Variants in CTNND2 observed in about 807,000 individuals in gnomAD.
CTNND2 encodes catenin delta 2.
A neutral mutation model predicts 144.4 loss-of-function variants in CTNND2; 22 were observed. The observed-to-expected ratio is 0.15, with a 90% CI of 0.11 to 0.22. CTNND2 has a LOEUF of 0.22. Ranked by LOEUF, CTNND2 falls within the 10% of genes least tolerant of loss-of-function variation. The pLI, the probability that CTNND2 is intolerant of heterozygous loss-of-function variation, is 1.00. For missense variants in CTNND2, 1,353 were observed against 1,618.8 expected, an observed-to-expected ratio of 0.84 and a Z score of 2.82; for synonymous variants, 751 against 695.6, an observed-to-expected ratio of 1.08 and a Z score of -1.25.
At chr5:11,655,605 G>A (rs185384032) in intron 2 of CTNND2, among the ~76,000 whole-genome samples, 50 of 152,190 alleles carry the variant, frequency 3.3e-4, no homozygotes, top group Non-Finnish European at 6.2e-4. Context: ...TTTTAAGGAA[G>A]AAGTCCATAC....
In CTNND2 at chr5:11,888,456, C is replaced by T. The variant is rs544816455; in HGVS notation, c.37+15361G>A. On this transcript the variant is annotated intron_variant, in intron 1 of 21. Transcript: ENST00000304623. ...AACCTTAATCCAATCAATGGTTTCC[C>T]CCATGACCTAAGAGTTGGCACATCT... 6.6e-5 allele frequency among the ~76,000 whole-genome samples: 10 copies of T among 152,232 alleles called. No individual in the cohort carries two copies. In the South Asian group the frequency reaches 1.2e-3, roughly 19 times the overall value.
chr5:11,414,901 C>T (rs1377104519), intron 3 of CTNND2, among the ~76,000 whole-genome samples: 2 of 152,212 alleles, frequency 1.3e-5, no homozygotes, highest in African/African-American at 4.8e-5. Flanking sequence ...GCCTCCAGCC[C>T]TATCCATGTT....
chr5:11,387,870 G>T (rs1759249727), intron 6 of CTNND2, among the ~76,000 whole-genome samples: 1 of 152,062 alleles, frequency 6.6e-6, no homozygotes, highest in African/African-American at 2.4e-5. Context: ...TTAAATATTA[G>T]AACATATATC....
At chr5:11,448,720 G>A (rs146895131) in intron 3 of CTNND2, among the ~76,000 whole-genome samples, 1,945 of 152,240 alleles carry the variant, frequency 0.013, 49 homozygotes, top group African/African-American at 0.045. Flanking sequence ...CCAGGGTGGA[G>A]TGCAATGGTG....
Position 11,475,382 on chromosome 5 carries a change from A to T in CTNND2, c.288-63313T>A, listed in dbSNP as rs540627843. On this transcript the variant is annotated intron_variant, in intron 3 of 21. Transcript: ENST00000304623. ...CAAACTCCCTAAAAGTGAACAATTAATGGCATAAGAGTTCAACATTTCTTG... is the reference window on the plus strand; with the variant it reads ...CAAACTCCCTAAAAGTGAACAATTATTGGCATAAGAGTTCAACATTTCTTG... 6.6e-5 allele frequency among the ~76,000 whole-genome samples: 10 copies of T among 152,338 alleles called. No individual in the cohort carries two copies. The East Asian group carries it at 1.2e-3, about 18-fold the overall frequency.
At chr5:11,158,159 C>A (rs1246967404) in intron 12 of CTNND2, among the ~76,000 whole-genome samples, 1 of 152,194 alleles carries the variant, frequency 6.6e-6, no homozygotes. Context: ...TGAGACAGTT[C>A]CTTCTGCAGT....
At chr5:11,512,142 C>G (rs1336508357) in intron 3 of CTNND2, among the ~76,000 whole-genome samples, 1 of 152,152 alleles carries the variant, frequency 6.6e-6, no homozygotes, top group Non-Finnish European at 1.5e-5. Flanking sequence ...TCATTGGGCC[C>G]CACACTGAGA....
chr5:11,491,800 GCCGATAC>G (rs1769413910), intron 3 of CTNND2, among the ~76,000 whole-genome samples: 1 of 152,176 alleles, frequency 6.6e-6, no homozygotes, highest in Admixed American at 6.5e-5. Context: ...TGATTTCTAA[GCCGATAC>G]CCAGTCAATG....
intron 9 of CTNND2, among the ~76,000 whole-genome samples, chr5:11,313,305 C>A (rs893694018): frequency 6.6e-6 from 1 of 152,190 alleles, no homozygotes; most frequent in African/African-American, 2.4e-5. Context: ...TGTGCAGGCT[C>A]CCCAGCCTCA....
chr5:11,324,062 G>A (rs1237544839), intron 9 of CTNND2, among the ~76,000 whole-genome samples: 3 of 152,122 alleles, frequency 2.0e-5, no homozygotes, highest in Non-Finnish European at 4.4e-5. Flanking sequence ...TAGGTCCTAG[G>A]TGACAGGTGG....
chr5:11,151,044 C>A (rs937006156), intron 12 of CTNND2, among the ~76,000 whole-genome samples: 4 of 152,220 alleles, frequency 2.6e-5, no homozygotes, highest in Non-Finnish European at 5.9e-5. Flanking sequence ...AGGGGCATGG[C>A]CCCACGTGGA....
intron 1 of CTNND2, among the ~76,000 whole-genome samples, chr5:11,760,327 G>A (rs1265167708): frequency 6.6e-6 from 1 of 152,064 alleles, no homozygotes; most frequent in African/African-American, 2.4e-5. Flanking sequence ...CTCCACAGGA[G>A]CCTGGGACCC....
chr5:11,037,637 G>A lies in CTNND2; in HGVS notation c.2789-14658C>T, dbSNP rs375282101. On this transcript the variant is annotated intron_variant, in intron 16 of 21. Coordinates refer to ENST00000304623, the MANE Select transcript of CTNND2 (RefSeq NM_001332.4). ...TGATACAAATTTCGCTGTGATTACT[G>A]TTCTGATTTGAATCGGGCATGTTAT... Among the ~76,000 whole-genome samples, 20 of 152,284 alleles carry A rather than the reference G, an allele frequency of 1.3e-4. 1 individual carries two copies. The East Asian group carries it at 3.9e-3, about 29-fold the overall frequency.
chr5:11,753,637 T>C (rs1299083448), intron 1 of CTNND2, among the ~76,000 whole-genome samples: 2 of 151,872 alleles, frequency 1.3e-5, no homozygotes, highest in Non-Finnish European at 2.9e-5. Flanking sequence ...GTTTTCTTTT[T>C]TTGTTGTGTC....
chr5:11,001,579 C>T (rs1203969037), intron 18 of CTNND2, among the ~76,000 whole-genome samples: 1 of 152,132 alleles, frequency 6.6e-6, no homozygotes, highest in Non-Finnish European at 1.5e-5. Flanking sequence ...GGTTTTATAG[C>T]TAGCATCCAC....
intron 1 of CTNND2, among the ~76,000 whole-genome samples, chr5:11,834,548 T>C (rs1266639372): frequency 1.3e-5 from 2 of 152,216 alleles, no homozygotes; most frequent in Non-Finnish European, 2.9e-5. Context: ...ATAATATGCA[T>C]GTTTTATTTG....
At chr5:11,240,151 C>A (rs111405057) in intron 9 of CTNND2, among the ~76,000 whole-genome samples, 1 of 145,770 alleles carries the variant, frequency 6.9e-6, no homozygotes, top group African/African-American at 2.6e-5. Context: ...AACACACACA[C>A]ACATTCACAC....
At chr5:11,044,605 A>T (rs1010373758) in intron 16 of CTNND2, among the ~76,000 whole-genome samples, 14 of 151,496 alleles carry the variant, frequency 9.2e-5, no homozygotes, top group African/African-American at 2.9e-4. Flanking sequence ...AGATTCAGTG[A>T]TGTTTGTTTG....
intron 3 of CTNND2, among the ~76,000 whole-genome samples, chr5:11,549,206 G>A (rs1385415594): frequency 6.6e-6 from 1 of 152,136 alleles, no homozygotes; most frequent in African/African-American, 2.4e-5. Flanking sequence ...TGCATTTAAG[G>A]TAGCATAAAG....
Sources: allele counts gnomAD v4.1 joint callset (sites outside exome capture counted in the v4.1 genomes callset), GRCh38; gene constraint gnomAD v4.1.1; transcripts MANE v1.5; gene names NCBI Gene and HGNC (gene_info 2026-07-23, HGNC 2026-07-21).